The following LIN52 variants were observed in gnomAD, a reference collection of about 807,000 sequenced individuals.
LIN52 encodes lin-52 DREAM MuvB core complex component.
In LIN52, 4 loss-of-function variants were observed where a neutral mutation model predicts 18.5. The observed-to-expected ratio is 0.22, with a 90% CI of 0.11 to 0.49. The LOEUF is 0.49. Ranked by LOEUF, LIN52 falls within the 20% of genes least tolerant of loss-of-function variation. The pLI is 0.97. For missense variants in LIN52, 102 were observed against 139.5 expected, an observed-to-expected ratio of 0.73 and a Z score of 1.35; for synonymous variants, 34 against 45.5, an observed-to-expected ratio of 0.75 and a Z score of 1.02.
chr14:74,089,921 T>G (rs955417527), intron 1 of LIN52, among the ~76,000 whole-genome samples: 2 of 151,680 alleles, frequency 1.3e-5, no homozygotes, highest in African/African-American at 2.4e-5. Context: ...GGTGTAGGAG[T>G]CAGGGCGAGC....
chr14:74,181,107 CAAAAAAAAAAA>C (rs149099646), intron 5 of LIN52, among the ~76,000 whole-genome samples: 26 of 96,132 alleles, frequency 2.7e-4, no homozygotes, highest in African/African-American at 1.0e-3. Flanking sequence ...GACTCTGTCT[CAAAAAAAAAAA>C]AAAAAAAAAA....
intron 5 of LIN52, among the ~76,000 whole-genome samples, chr14:74,182,718 A>G (rs574431314): frequency 1.3e-5 from 2 of 152,172 alleles, no homozygotes; most frequent in Non-Finnish European, 2.9e-5. Flanking sequence ...TGGACCTGAA[A>G]GTTAGTCTTG....
At chr14:74,189,633 A>T (rs2061355198) in intron 5 of LIN52, among the ~76,000 whole-genome samples, 1 of 152,228 alleles carries the variant, frequency 6.6e-6, no homozygotes, top group Non-Finnish European at 1.5e-5. Context: ...AGGAGAGTTG[A>T]TGGAGAAACA....
chr14:74,091,795 AAAG>A (rs1437730599), intron 2 of LIN52, among the ~76,000 whole-genome samples: 13 of 151,406 alleles, frequency 8.6e-5, no homozygotes, highest in Non-Finnish European at 1.9e-4. Flanking sequence ...AAAAAAAAAA[AAAG>A]TTCTGATAAC....
chr14:74,183,737 T>A (rs1476635959), intron 5 of LIN52, among the ~76,000 whole-genome samples: 1 of 152,168 alleles, frequency 6.6e-6, no homozygotes, highest in Non-Finnish European at 1.5e-5. Flanking sequence ...TTTGTTATGT[T>A]GTTTACTATA....
At chr14:74,103,260 G>A (rs1041261792) in intron 5 of LIN52, among the ~76,000 whole-genome samples, 9 of 151,904 alleles carry the variant, frequency 5.9e-5, no homozygotes, top group African/African-American at 2.2e-4. Flanking sequence ...TGTATTTTTA[G>A]TAGAGATGGG....
Position 74,201,111 on chromosome 14 carries a change from G to T in LIN52, c.*2134G>T, listed in dbSNP as rs538425865. The T allele has an allele frequency of 6.6e-6, 1 of 152,156 alleles. No homozygotes were observed. The highest frequency in any genetic ancestry group is 1.5e-5 in the Non-Finnish European group (1 of 68,018). The allele number at this position is 152,156 out of a possible 1,614,324, so 9.4% of individuals were successfully genotyped here. ...TGTCATCCTTAGAAATGTTAATGAT[G>T]TATTTTTATATTGATAATATAAATT... On this transcript the variant is annotated 3_prime_UTR_variant, in exon 6 of 6. Coordinates refer to ENST00000555028, the MANE Select transcript of LIN52 (RefSeq NM_001024674.3).
intron 5 of LIN52, among the ~76,000 whole-genome samples, chr14:74,186,508 A>T (rs2061341339): frequency 2.6e-5 from 4 of 151,070 alleles, no homozygotes; most frequent in Non-Finnish European, 5.9e-5. Flanking sequence ...GGTTGCTCAC[A>T]CCTTTAATCC....
intron 5 of LIN52, chr14:74,174,574 T>C (rs1349815047): frequency 6.6e-6 from 1 of 151,976 alleles, no homozygotes; most frequent in Non-Finnish European, 1.5e-5. Context: ...GTATCTGCAC[T>C]AAGTTCAGCA....
intron 1 of LIN52, among the ~76,000 whole-genome samples, chr14:74,089,486 G>A (rs2060757768): frequency 6.6e-6 from 1 of 151,082 alleles, no homozygotes; most frequent in African/African-American, 2.4e-5. Context: ...TTCCACCTCA[G>A]CCTCCCAAGT....
chr14:74,167,235 T>A (rs2061253848), intron 5 of LIN52, among the ~76,000 whole-genome samples: 1 of 151,258 alleles, frequency 6.6e-6, no homozygotes, highest in Non-Finnish European at 1.5e-5. Context: ...GGAGACAGGG[T>A]TGAGCTGTCA....
chr14:74,117,855 A>C (rs57549181), intron 5 of LIN52, among the ~76,000 whole-genome samples: 2,405 of 152,330 alleles, frequency 0.016, 63 homozygotes, highest in African/African-American at 0.054. Flanking sequence ...TGACTTTGGC[A>C]TATGTATAAG....
intron 5 of LIN52, among the ~76,000 whole-genome samples, chr14:74,109,034 G>C (rs2060912617): frequency 6.6e-6 from 1 of 152,174 alleles, no homozygotes; most frequent in Non-Finnish European, 1.5e-5. Context: ...TATAATTTTA[G>C]ATTTAGGTCT....
intron 4 of LIN52, among the ~76,000 whole-genome samples, 183 bp from the exon 5 acceptor site, chr14:74,100,972 A>G (rs986521857): frequency 6.6e-6 from 1 of 152,318 alleles, no homozygotes; most frequent in East Asian, 1.9e-4. Flanking sequence ...GAATTTTGCA[A>G]TAGTGGGAAA....
chr14:74,166,407 G>C (rs941554020), intron 5 of LIN52, among the ~76,000 whole-genome samples: 14 of 151,106 alleles, frequency 9.3e-5, no homozygotes, highest in African/African-American at 3.4e-4. Context: ...TAGAGATGGG[G>C]TTTCTCCGTG....
intron 2 of LIN52, among the ~76,000 whole-genome samples, chr14:74,093,906 G>C (rs1029206965): frequency 2.6e-5 from 4 of 151,828 alleles, no homozygotes; most frequent in African/African-American, 9.7e-5. Flanking sequence ...GGCAGAGGTT[G>C]CAGTGAGCAG....
At chr14:74,097,582 G>A (rs184934177) in intron 3 of LIN52, among the ~76,000 whole-genome samples, 191 of 152,032 alleles carry the variant, frequency 1.3e-3, no homozygotes, top group African/African-American at 4.3e-3. Context: ...ACAGGTGTGT[G>A]CCATCACGCC....
At chr14:74,105,035 G>A (rs533710311) in intron 5 of LIN52, among the ~76,000 whole-genome samples, 4 of 152,206 alleles carry the variant, frequency 2.6e-5, no homozygotes, top group Non-Finnish European at 4.4e-5. Context: ...TGGTTACCTC[G>A]AAAACTGCTT....
chr14:74,181,688 A>T (rs945011267), intron 5 of LIN52, among the ~76,000 whole-genome samples: 2 of 152,126 alleles, frequency 1.3e-5, no homozygotes, highest in African/African-American at 2.4e-5. Context: ...CTGGCTGAGG[A>T]TCCTTTTGTG....
Sources: gnomAD v4.1 joint callset for allele counts (sites outside exome capture counted in the v4.1 genomes callset) on GRCh38, gnomAD v4.1.1 for gene constraint, MANE v1.5 for transcripts, NCBI Gene and HGNC (gene_info 2026-07-23, HGNC 2026-07-21) for gene names.